Variants in CCDC85A observed in about 807,000 individuals in gnomAD.
CCDC85A encodes the protein coiled-coil domain containing 85A.
A neutral mutation model predicts 50.2 loss-of-function variants in CCDC85A; 38 were observed. That is an observed-to-expected ratio of 0.76 (90% CI 0.58 to 0.99). CCDC85A has a LOEUF of 0.99. CCDC85A is among the 50% of genes least tolerant of loss of function. CCDC85A has a pLI of 0.00. For synonymous variants in CCDC85A, 366 were observed against 301.4 expected (o/e 1.21, Z -2.22); for missense variants, 820 against 742.0 (o/e 1.11, Z -1.22).
At chr2:56,223,018 G>A (rs894576610) in intron 2 of CCDC85A, among the ~76,000 whole-genome samples, 9 of 152,034 alleles carry the variant, frequency 5.9e-5, no homozygotes, top group African/African-American at 1.9e-4. Flanking sequence ...CTACCTACGC[G>A]TAAGTGCCAA....
chr2:56,332,719 C>A (rs1386009779), intron 2 of CCDC85A, among the ~76,000 whole-genome samples: 3 of 142,914 alleles, frequency 2.1e-5, no homozygotes, highest in Non-Finnish European at 3.0e-5. Context: ...CCCTGCTCTA[C>A]CTTTTTGAGC....
intron 2 of CCDC85A, among the ~76,000 whole-genome samples, chr2:56,258,032 TAGG>T (rs1272108106): frequency 6.6e-6 from 1 of 152,222 alleles, no homozygotes; most frequent in Non-Finnish European, 1.5e-5. Flanking sequence ...ATAGCCATGT[TAGG>T]ATTTATCAGA....
At chr2:56,313,902 C>CTTTGGT (rs1209523251) in intron 2 of CCDC85A, among the ~76,000 whole-genome samples, 4 of 151,776 alleles carry the variant, frequency 2.6e-5, no homozygotes, top group African/African-American at 7.3e-5. Flanking sequence ...AGGGCTGGGC[C>CTTTGGT]TGGCCTGTTC....
intron 2 of CCDC85A, among the ~76,000 whole-genome samples, chr2:56,334,805 G>C (rs539137559): frequency 2.6e-4 from 40 of 152,190 alleles, no homozygotes; most frequent in Non-Finnish European, 5.7e-4. Context: ...CTGCTGGCTA[G>C]GGGAATGTGT....
At chr2:56,190,033 C>T (rs146197713) in intron 1 of CCDC85A, among the ~76,000 whole-genome samples, 3 of 152,334 alleles carry the variant, frequency 2.0e-5, no homozygotes, top group Non-Finnish European at 4.4e-5. Context: ...GCTGCATAAG[C>T]TTCTTCCTAA....
chr2:56,263,220 A>G (rs1319474608), intron 2 of CCDC85A, among the ~76,000 whole-genome samples: 1 of 152,198 alleles, frequency 6.6e-6, no homozygotes, highest in East Asian at 1.9e-4. Context: ...GCCCTGATGC[A>G]TAAGGGGAGA....
chr2:56,196,024 T>G (rs1056394597), intron 2 of CCDC85A, among the ~76,000 whole-genome samples: 6 of 152,188 alleles, frequency 3.9e-5, no homozygotes, highest in African/African-American at 1.4e-4. Context: ...CCTTGAGCAT[T>G]TATAAATCTT....
chr2:56,267,435 A>C (rs1670501309), intron 2 of CCDC85A, among the ~76,000 whole-genome samples: 2 of 152,330 alleles, frequency 1.3e-5, no homozygotes, highest in African/African-American at 4.8e-5. Context: ...GCGCACACTT[A>C]AATCATTTCA....
In CCDC85A at chr2:56,330,993, T is replaced by C. The variant is rs574363012; in HGVS notation, c.1241-11886T>C. On this transcript the variant is annotated intron_variant, in intron 2 of 5. Transcript: ENST00000407595. ...AACCTAAGTGTCTATCAGTGGATGA[T>C]TGAATAAAGGAAATGTGGTATATGT... Among the ~76,000 whole-genome samples the C allele has an allele frequency of 1.8e-3, 275 of 151,650 alleles. 2 individuals carry two copies. The highest frequency in any genetic ancestry group is 6.4e-3 in the African/African-American group (265 of 41,276).
rs150858186 is a variant in CCDC85A, at chr2:56,233,211, T to C, written c.1240+39771T>C. Among the ~76,000 whole-genome samples, 590 of 152,312 alleles carry C rather than the reference T, an allele frequency of 3.9e-3. 6 individuals carry two copies. Among genetic ancestry groups the C allele is most frequent in the African/African-American group, 0.014 (564 of 41,566 alleles). On this transcript the variant is annotated intron_variant, in intron 2 of 5. Coordinates refer to ENST00000407595, the MANE Select transcript of CCDC85A (RefSeq NM_001080433.2). ...CTACTGATTGGTTGGTGCACATTGA[T>C]AGTACTTTCCCGGATAGGCAAGGAA...
At chr2:56,328,585 G>A (rs898564891) in intron 2 of CCDC85A, among the ~76,000 whole-genome samples, 2 of 152,024 alleles carry the variant, frequency 1.3e-5, no homozygotes, top group African/African-American at 4.8e-5. Flanking sequence ...TCCCTTCCTC[G>A]TCTGGTGGAA....
At chr2:56,251,103 C>T (rs546749922) in intron 2 of CCDC85A, among the ~76,000 whole-genome samples, 1 of 152,156 alleles carries the variant, frequency 6.6e-6, no homozygotes, top group Non-Finnish European at 1.5e-5. Flanking sequence ...TTCTTTCCTC[C>T]CCCAGAGGTA....
chr2:56,316,397 A>G (rs916494053), intron 2 of CCDC85A, among the ~76,000 whole-genome samples: 4 of 152,124 alleles, frequency 2.6e-5, no homozygotes, highest in Admixed American at 2.6e-4. Context: ...ACTGGGTCTG[A>G]GGACCCACAC....
rs952351772 is a variant in CCDC85A, at chr2:56,199,590, A to C, written c.1240+6150A>C. On this transcript the variant is annotated intron_variant, in intron 2 of 5. Coordinates refer to ENST00000407595, the MANE Select transcript of CCDC85A (RefSeq NM_001080433.2). ...TATTCTTTTTTTTTTAATCTCCTAA[A>C]AATAGATTTCCAATCACTTCTAGTA... Among the ~76,000 whole-genome samples, 16 of 152,140 alleles carry C rather than the reference A, an allele frequency of 1.1e-4. No homozygotes were observed. In the Middle Eastern group the frequency reaches 0.01, roughly 97 times the overall value.
chr2:56,353,195 G>A (rs1268590836), intron 3 of CCDC85A, among the ~76,000 whole-genome samples: 1 of 152,182 alleles, frequency 6.6e-6, no homozygotes, highest in Non-Finnish European at 1.5e-5. Flanking sequence ...GGACATGTAT[G>A]TTTAAGACTC....
At chr2:56,270,856 C>T (rs534820521) in intron 2 of CCDC85A, among the ~76,000 whole-genome samples, 1 of 152,310 alleles carries the variant, frequency 6.6e-6, no homozygotes, top group African/African-American at 2.4e-5. Context: ...GGGAAAGCCA[C>T]TAAATTTATT....
At chr2:56,362,055 G>T (rs1004810290) in intron 3 of CCDC85A, among the ~76,000 whole-genome samples, 2 of 152,092 alleles carry the variant, frequency 1.3e-5, no homozygotes, top group Admixed American at 6.6e-5. Flanking sequence ...ATGGAATGTG[G>T]ACTGTAAAGG....
At chr2:56,331,585 G>A (rs1032117303) in intron 2 of CCDC85A, among the ~76,000 whole-genome samples, 3 of 152,072 alleles carry the variant, frequency 2.0e-5, no homozygotes, top group Non-Finnish European at 4.4e-5. Context: ...GGTTGAACAC[G>A]TTTATGGTGA....
chr2:56,192,740 C>T lies in CCDC85A; in HGVS notation c.540C>T (p.Cys180=), dbSNP rs766590594. 9 of 1,612,916 alleles carry T rather than the reference C, an allele frequency of 5.6e-6. No homozygotes were observed. The highest frequency in any genetic ancestry group is 2.7e-5 in the African/African-American group (2 of 74,858). The stretch of plus-strand genomic sequence containing the variant: ...TAGATGAGGAGAAGGGTGCAGGCTG[C>T]GCAGGCAGCCGCTGCTCCATCGACA... ...VLLDEEKGAG[C]AGSRCSIDSQ... Residue 180 remains cysteine (C), a synonymous_variant, in exon 2 of 6, where the codon TGC becomes TGT. Coordinates refer to ENST00000407595, the MANE Select transcript of CCDC85A (RefSeq NM_001080433.2). This position sits in a 1 kb window ranked among gnomAD's most constrained non-coding sequence, Gnocchi z 4.7.
Sources: allele counts gnomAD v4.1 joint callset (sites outside exome capture counted in the v4.1 genomes callset), GRCh38; gene constraint gnomAD v4.1.1; non-coding constraint Gnocchi (gnomAD v3.1); transcripts MANE v1.5; gene names NCBI Gene and HGNC (gene_info 2026-07-23, HGNC 2026-07-21).